Variants in STXBP4 observed in about 807,000 individuals in gnomAD.
STXBP4 encodes syntaxin-binding protein 4.
Under a neutral mutation model 76.1 loss-of-function variants are expected in STXBP4, and 55 were observed. The observed-to-expected ratio is 0.72, with a 90% CI of 0.58 to 0.91. The LOEUF (loss-of-function observed/expected upper bound fraction) is 0.91. Ranked by LOEUF, STXBP4 falls within the 40% of genes least tolerant of loss-of-function variation. The pLI, the probability that STXBP4 is intolerant of heterozygous loss-of-function variation, is 0.00. For synonymous variants in STXBP4, 201 were observed against 220.2 expected, an observed-to-expected ratio of 0.91 and a Z score of 0.77; for missense variants, 618 against 636.9, an observed-to-expected ratio of 0.97 and a Z score of 0.32.
chr17:55,043,158 G>T, intron 10 of STXBP4, 78 bp from the exon 11 acceptor site: 1 of 659,330 alleles, frequency 1.5e-6, no homozygotes, highest in Non-Finnish European at 2.3e-6. Flanking sequence ...CCTAAGATTA[G>T]TCAAAAATGA....
At chr17:54,980,945 TG>T (rs1391539555) in intron 1 of STXBP4, among the ~76,000 whole-genome samples, 4 of 149,514 alleles carry the variant, frequency 2.7e-5, no homozygotes, top group Admixed American at 6.6e-5. Context: ...GTTTTTTTTT[TG>T]TTGTTGTTGA....
intron 8 of STXBP4, among the ~76,000 whole-genome samples, chr17:55,017,538 T>A (rs1409071415): frequency 6.6e-6 from 1 of 152,180 alleles, no homozygotes; most frequent in African/African-American, 2.4e-5. Context: ...AGGAAGTAGA[T>A]TCAGAGGTAA....
At position 55,160,626 on chromosome 17, in the gene STXBP4, A is replaced by G. The variant is rs567074641; in HGVS notation, c.*715A>G. Reference sequence around the variant, plus strand: ...TTCCATGAGCAGTCCCCCTTCCCCCATACCCTGCTGTCTCCACGGAGGGAG... The same window carrying G: ...TTCCATGAGCAGTCCCCCTTCCCCCGTACCCTGCTGTCTCCACGGAGGGAG... On this transcript the variant is annotated 3_prime_UTR_variant, in exon 18 of 18. Coordinates refer to ENST00000376352, the MANE Select transcript of STXBP4 (RefSeq NM_178509.6). The G allele has an allele frequency of 3.3e-5, 5 of 152,442 alleles. No homozygotes were observed. The highest frequency in any genetic ancestry group is 2.0e-4 in the Admixed American group (3 of 15,226). 9.4% of individuals were successfully genotyped at this position (152,442 alleles called of 1,614,324 possible).
intron 12 of STXBP4, among the ~76,000 whole-genome samples, chr17:55,051,332 A>G (rs1343163612): frequency 1.3e-5 from 2 of 152,190 alleles, no homozygotes; most frequent in Non-Finnish European, 2.9e-5. Flanking sequence ...AGGAAAAAAA[A>G]CAAAGATAGA....
intron 16 of STXBP4, among the ~76,000 whole-genome samples, chr17:55,122,356 C>T (rs1046002121): frequency 6.6e-6 from 1 of 152,018 alleles, no homozygotes; most frequent in Non-Finnish European, 1.5e-5. Flanking sequence ...TGAAGTCAGC[C>T]AAAGAAATTA....
chr17:55,099,851 A>G (rs945677788), intron 16 of STXBP4, among the ~76,000 whole-genome samples: 1 of 152,196 alleles, frequency 6.6e-6, no homozygotes, highest in Non-Finnish European at 1.5e-5. Context: ...AGTAGGTACC[A>G]CGTACCATCT....
chr17:55,093,229 A>T (rs1463061782), intron 16 of STXBP4, among the ~76,000 whole-genome samples: 1 of 152,106 alleles, frequency 6.6e-6, no homozygotes, highest in African/African-American at 2.4e-5. Flanking sequence ...CACACAAGTG[A>T]TCTGCCCCCC....
the STXBP4 span, among the ~76,000 whole-genome samples, chr17:55,201,452 G>T: frequency 6.6e-6 from 1 of 151,412 alleles, no homozygotes; most frequent in Non-Finnish European, 1.5e-5. Flanking sequence ...GAAAGGGAGG[G>T]ATGGGAAGCA....
intron 10 of STXBP4, among the ~76,000 whole-genome samples, chr17:55,041,908 T>C (rs151109419): frequency 6.6e-6 from 1 of 152,180 alleles, no homozygotes; most frequent in Non-Finnish European, 1.5e-5. Flanking sequence ...CTGGGAAATA[T>C]TATTACATTT....
At chr17:55,034,141 T>A in intron 9 of STXBP4, 27 bp from the exon 10 acceptor site, 1 of 1,577,368 alleles carries the variant, frequency 6.3e-7, no homozygotes, top group Non-Finnish European at 8.7e-7. Context: ...AAATGCCATG[T>A]TCTTACTTAA....
intron 8 of STXBP4, among the ~76,000 whole-genome samples, chr17:55,023,532 G>A (rs562276827): frequency 6.6e-5 from 10 of 152,284 alleles, no homozygotes; most frequent in East Asian, 5.8e-4. Context: ...TCAGCCACCC[G>A]TGTGGACAAT....
intron 16 of STXBP4, among the ~76,000 whole-genome samples, chr17:55,099,274 A>G (rs1304783169): frequency 6.6e-6 from 1 of 152,246 alleles, no homozygotes; most frequent in Non-Finnish European, 1.5e-5. Context: ...CTATACAGAA[A>G]TACCCATTTA....
At chr17:55,031,366 GA>G in intron 9 of STXBP4, 102 bp downstream of exon 9, 1 of 973,234 alleles carries the variant, frequency 1.0e-6, no homozygotes, top group Non-Finnish European at 1.6e-6. Context: ...AGGAGAGAAT[GA>G]AAAGTAAAAC....
rs574048418 is a variant in STXBP4 at position 55,089,183 on chromosome 17, C to T, written c.1489+8000C>T. Among the ~76,000 whole-genome samples, 18 of 152,238 alleles carry T rather than the reference C, an allele frequency of 1.2e-4. 1 individual carries two copies. In the South Asian group the frequency reaches 3.1e-3, roughly 26 times the overall value. ...AGCCTCTGGTAGGGTAAGATGTTCC[C>T]TGTATGGATGTTGTTGTTGTTGTTG... On this transcript the variant is annotated intron_variant, in intron 16 of 17. Transcript: ENST00000376352.
chr17:55,021,058 C>A (rs771057634), intron 8 of STXBP4, among the ~76,000 whole-genome samples: 14 of 152,080 alleles, frequency 9.2e-5, no homozygotes, highest in Non-Finnish European at 1.8e-4. Flanking sequence ...TCCACCCAGA[C>A]CTAAGGAAGA....
At chr17:55,203,447 G>T in the STXBP4 span, among the ~76,000 whole-genome samples, 1 of 152,090 alleles carries the variant, frequency 6.6e-6, no homozygotes, top group Non-Finnish European at 1.5e-5. Flanking sequence ...GATGCTCATT[G>T]TTTGTAGAAT....
intron 12 of STXBP4, among the ~76,000 whole-genome samples, chr17:55,066,917 A>T (rs981637999): frequency 6.6e-6 from 1 of 152,322 alleles, no homozygotes; most frequent in East Asian, 1.9e-4. Context: ...GCCTATTATT[A>T]TATGGTGTTT....
intron 12 of STXBP4, among the ~76,000 whole-genome samples, chr17:55,069,268 C>T (rs879615994): frequency 6.6e-6 from 1 of 151,360 alleles, no homozygotes; most frequent in African/African-American, 2.4e-5. Context: ...TGTGGATTTT[C>T]TGACTTACTA....
At chr17:55,194,719 C>T in the STXBP4 span, among the ~76,000 whole-genome samples, 1 of 152,164 alleles carries the variant, frequency 6.6e-6, no homozygotes, top group East Asian at 1.9e-4. Flanking sequence ...AGCTAAGAGG[C>T]AAGGCCATAC....
Sources: gnomAD v4.1 joint callset for allele counts (sites outside exome capture counted in the v4.1 genomes callset) on GRCh38, gnomAD v4.1.1 for gene constraint, MANE v1.5 for transcripts, NCBI Gene and HGNC (gene_info 2026-07-23, HGNC 2026-07-21) for gene names.